Variants in JAZF1 observed in about 807,000 individuals in gnomAD.
JAZF1 encodes the protein juxtaposed with another zinc finger protein 1.
Under a neutral mutation model 26.4 loss-of-function variants are expected in JAZF1, and 8 were observed. The ratio of observed to expected loss-of-function variants is 0.30; its 90% CI spans 0.18 to 0.55. The LOEUF (loss-of-function observed/expected upper bound fraction) is 0.55. JAZF1 is among the 20% of genes least tolerant of loss of function. The probability of loss-of-function intolerance (pLI) is 0.94; values close to 1 mark genes in which losing one functional copy is unlikely to be tolerated. For synonymous variants in JAZF1, 126 were observed against 122.3 expected, an observed-to-expected ratio of 1.03 and a Z score of -0.20; for missense variants, 199 against 322.0, an observed-to-expected ratio of 0.62 and a Z score of 2.92.
chr7:27,936,921 A>G (rs1784770039), intron 2 of JAZF1, among the ~76,000 whole-genome samples: 2 of 152,236 alleles, frequency 1.3e-5, no homozygotes, highest in South Asian at 4.1e-4. Flanking sequence ...AATCACAGAC[A>G]TGCTTGCTGA....
In JAZF1 at chr7:27,981,524, T is replaced by C. The variant is rs569931243; in HGVS notation, c.188+10385A>G. ...ATTTAAATTTAGTGAAATGGAAAAG[T>C]AGAGATGAATGACTAAAGAGTAGAT... is the stretch of plus-strand genomic sequence containing the variant. On this transcript the variant is annotated intron_variant, in intron 2 of 4. Coordinates refer to ENST00000283928, the MANE Select transcript of JAZF1 (RefSeq NM_175061.4). Among the ~76,000 whole-genome samples the C allele has an allele frequency of 1.2e-4, 19 of 152,270 alleles. 1 individual carries two copies. In the South Asian group the frequency reaches 2.5e-3, roughly 20 times the overall value.
intron 1 of JAZF1, among the ~76,000 whole-genome samples, chr7:28,070,198 C>A (rs1783955051): frequency 6.6e-6 from 1 of 152,188 alleles, no homozygotes; most frequent in Non-Finnish European, 1.5e-5. Context: ...TTACTGTAAT[C>A]TCTCCCATTG....
intron 1 of JAZF1, among the ~76,000 whole-genome samples, chr7:28,117,810 T>C (rs556394809): frequency 6.6e-6 from 1 of 152,330 alleles, no homozygotes; most frequent in African/African-American, 2.4e-5. Context: ...TTTGAGCAGA[T>C]GCTTGACTTG....
At chr7:27,878,188 G>A (rs972401688) in intron 3 of JAZF1, among the ~76,000 whole-genome samples, 5 of 152,174 alleles carry the variant, frequency 3.3e-5, no homozygotes, top group African/African-American at 1.2e-4. Context: ...GAATGTGACT[G>A]AGAGGAATAA....
At chr7:28,018,010 G>A (rs1782927190) in intron 1 of JAZF1, among the ~76,000 whole-genome samples, 1 of 152,202 alleles carries the variant, frequency 6.6e-6, no homozygotes, top group Non-Finnish European at 1.5e-5. Context: ...GATCTCGGGT[G>A]ATCCGCCCAC....
At chr7:27,984,311 C>T (rs974040388) in intron 2 of JAZF1, among the ~76,000 whole-genome samples, 1 of 152,188 alleles carries the variant, frequency 6.6e-6, no homozygotes, top group Non-Finnish European at 1.5e-5. Flanking sequence ...ATCCTAGTCT[C>T]TGATAAAATA....
chr7:27,857,530 C>T lies in JAZF1; in HGVS notation c.386-16663G>A, dbSNP rs189004557. Among the ~76,000 whole-genome samples, 1,087 of 152,338 alleles carry T rather than the reference C, an allele frequency of 7.1e-3. 11 individuals carry two copies. Among genetic ancestry groups the T allele is most frequent in the African/African-American group, 0.021 (890 of 41,578 alleles). On this transcript the variant is annotated intron_variant, in intron 3 of 4. Transcript: ENST00000283928. Reference sequence around the variant, plus strand: ...GCCAAGGCTGAGGAGGCGCCGAGAGCGAGCTAGGGCTGCGAGGGCTGCCAG... The same window carrying T: ...GCCAAGGCTGAGGAGGCGCCGAGAGTGAGCTAGGGCTGCGAGGGCTGCCAG...
intron 2 of JAZF1, among the ~76,000 whole-genome samples, chr7:27,976,473 C>T (rs1785475067): frequency 6.6e-6 from 1 of 151,868 alleles, no homozygotes; most frequent in South Asian, 2.1e-4. Flanking sequence ...CAACTGATGT[C>T]CATAAAAATA....
chr7:27,913,211 T>G (rs367800604), intron 2 of JAZF1, among the ~76,000 whole-genome samples: 2 of 150,614 alleles, frequency 1.3e-5, no homozygotes, highest in East Asian at 3.9e-4. Context: ...AAAAAATTTA[T>G]ATACATTTTT....
At chr7:28,052,345 C>G (rs1484865239) in intron 1 of JAZF1, among the ~76,000 whole-genome samples, 1 of 152,166 alleles carries the variant, frequency 6.6e-6, no homozygotes, top group Non-Finnish European at 1.5e-5. Flanking sequence ...AGCTTTTTGT[C>G]TCTCCTTCAC....
chr7:28,178,894 C>A (rs1783587905), intron 1 of JAZF1, among the ~76,000 whole-genome samples: 1 of 152,224 alleles, frequency 6.6e-6, no homozygotes, highest in Admixed American at 6.5e-5. Flanking sequence ...CTCTGAAAGA[C>A]ATTTTGTAGA....
At chr7:28,067,151 T>C (rs1479216752) in intron 1 of JAZF1, among the ~76,000 whole-genome samples, 13 of 152,090 alleles carry the variant, frequency 8.5e-5, no homozygotes. Flanking sequence ...GATAACTAAG[T>C]GAAACTTTGT....
chr7:28,000,227 AC>A (rs71555725), intron 1 of JAZF1, among the ~76,000 whole-genome samples: 9 of 150,822 alleles, frequency 6.0e-5, no homozygotes, highest in African/African-American at 1.7e-4. Flanking sequence ...ATTTTGCAGC[AC>A]CCCCCCGACC....
intron 3 of JAZF1, among the ~76,000 whole-genome samples, chr7:27,870,270 T>C (rs1284400242): frequency 1.3e-5 from 2 of 151,914 alleles, no homozygotes; most frequent in East Asian, 1.9e-4. Context: ...TCCTGGGGTC[T>C]TGGAGGAGGT....
At chr7:27,907,732 A>G (rs1463073855) in intron 2 of JAZF1, among the ~76,000 whole-genome samples, 5 of 152,166 alleles carry the variant, frequency 3.3e-5, no homozygotes, top group African/African-American at 1.2e-4. Context: ...AAGATTCTCA[A>G]TGTGAGAGGA....
intron 1 of JAZF1, among the ~76,000 whole-genome samples, chr7:28,067,207 G>A (rs1403918474): frequency 1.3e-5 from 2 of 152,176 alleles, no homozygotes; most frequent in African/African-American, 4.8e-5. Flanking sequence ...GGCTGGGTCT[G>A]AAAAACCTGA....
chr7:27,880,069 T>C (rs995055466), intron 3 of JAZF1, among the ~76,000 whole-genome samples: 9 of 152,190 alleles, frequency 5.9e-5, no homozygotes, highest in African/African-American at 2.2e-4. Flanking sequence ...TACTTTCAAG[T>C]TTATATATAG....
chr7:28,111,312 C>T (rs1167875877), intron 1 of JAZF1, among the ~76,000 whole-genome samples: 1 of 152,158 alleles, frequency 6.6e-6, no homozygotes, highest in Non-Finnish European at 1.5e-5. Context: ...TATTCATTTG[C>T]TTCCATGTTT....
At position 28,170,363 on chromosome 7, in the gene JAZF1, G is replaced by A. The variant is rs896953560; in HGVS notation, c.115+10100C>T. ...TGTGTGTGTGTGTGTGTGTGTGTGT[G>A]TGTGTGTGTGTGTGTGTGTGTGTGT... On this transcript the variant is annotated intron_variant, in intron 1 of 4. Coordinates refer to ENST00000283928, the MANE Select transcript of JAZF1 (RefSeq NM_175061.4). Among the ~76,000 whole-genome samples, 1,298 of 139,906 alleles carry A rather than the reference G, an allele frequency of 9.3e-3. 14 individuals carry two copies. Among genetic ancestry groups the A allele is most frequent in the Middle Eastern group, 0.018 (5 of 278 alleles). The allele number at this position is 139,906 out of a possible 152,430, so 91.8% of individuals were successfully genotyped here.
Sources: gnomAD v4.1 joint callset for allele counts (sites outside exome capture counted in the v4.1 genomes callset) on GRCh38, gnomAD v4.1.1 for gene constraint, MANE v1.5 for transcripts, NCBI Gene and HGNC (gene_info 2026-07-23, HGNC 2026-07-21) for gene names.